Variants in KDM4C observed in about 807,000 individuals in gnomAD.
KDM4C encodes lysine-specific demethylase 4C.
KDM4C carries 81 observed loss-of-function variants against 129.3 expected under a neutral mutation model. That is an observed-to-expected ratio of 0.63 (90% CI 0.52 to 0.75). The LOEUF (loss-of-function observed/expected upper bound fraction) is 0.75, where lower values mean the gene tolerates loss of function less well. KDM4C is among the 30% of genes least tolerant of loss of function. The pLI, the probability that KDM4C is intolerant of heterozygous loss-of-function variation, is 0.00. For missense variants in KDM4C, 1,457 were observed against 1,304.0 expected (o/e 1.12, Z -1.81); for synonymous variants, 573 against 456.1 (o/e 1.26, Z -3.26).
intron 1 of KDM4C, among the ~76,000 whole-genome samples, chr9:6,732,103 C>A (rs994259383): frequency 9.2e-5 from 14 of 152,100 alleles, no homozygotes; most frequent in African/African-American, 3.4e-4. Context: ...TGTGGTGGCT[C>A]ACATCTGTAA....
At chr9:6,849,426 A>T (rs1209399861) in intron 4 of KDM4C, 81 bp from the exon 5 acceptor site, 1 of 1,199,194 alleles carries the variant, frequency 8.3e-7, no homozygotes, top group African/African-American at 1.5e-5. Context: ...ATTTTGGTGG[A>T]TAGTGGTTTG....
At chr9:6,734,795 G>C (rs1041312859) in intron 1 of KDM4C, 39 of 406,600 alleles carry the variant, frequency 9.6e-5, no homozygotes, top group South Asian at 1.8e-4. Context: ...ATGAAATGTT[G>C]GTAGATTCCT....
intron 19 of KDM4C, among the ~76,000 whole-genome samples, chr9:7,131,317 A>G (rs1209252773): frequency 6.6e-6 from 1 of 152,164 alleles, no homozygotes; most frequent in Non-Finnish European, 1.5e-5. Context: ...TACTTTGGTG[A>G]TGAATGAGGC....
chr9:6,945,975 A>T (rs755078793), intron 8 of KDM4C, among the ~76,000 whole-genome samples: 2 of 152,184 alleles, frequency 1.3e-5, no homozygotes, highest in Non-Finnish European at 2.9e-5. Context: ...GGCAAAATTT[A>T]TACCATTCAA....
intron 12 of KDM4C, among the ~76,000 whole-genome samples, chr9:6,996,237 T>C (rs1819723261): frequency 2.6e-5 from 4 of 152,212 alleles, no homozygotes; most frequent in South Asian, 2.1e-4. Flanking sequence ...AGCAGCACTT[T>C]AATCGTGCTG....
intron 1 of KDM4C, among the ~76,000 whole-genome samples, chr9:6,784,855 C>G (rs1471734216): frequency 6.6e-6 from 1 of 152,224 alleles, no homozygotes; most frequent in Non-Finnish European, 1.5e-5. Flanking sequence ...GGTTCAATAA[C>G]TGGGTAGATG....
At chr9:6,940,038 C>CTTCCTTCCTTCCTTCT (rs1825642815) in intron 8 of KDM4C, among the ~76,000 whole-genome samples, 1 of 137,426 alleles carries the variant, frequency 7.3e-6, no homozygotes, top group African/African-American at 2.8e-5. Flanking sequence ...TCCTTCTTTC[C>CTTCCTTCCTTCCTTCT]TTCCTTCCCT....
chr9:7,068,696 T>C (rs956186596), intron 17 of KDM4C, among the ~76,000 whole-genome samples: 22 of 112,002 alleles, frequency 2.0e-4, no homozygotes, highest in African/African-American at 6.6e-4. Context: ...CTTTTTTTTT[T>C]TTTTTTTTTT....
At chr9:7,073,766 G>A (rs1286150483) in intron 17 of KDM4C, among the ~76,000 whole-genome samples, 1 of 152,176 alleles carries the variant, frequency 6.6e-6, no homozygotes, top group Non-Finnish European at 1.5e-5. Context: ...GGTACCATTA[G>A]CCTTGCAGGG....
intron 9 of KDM4C, chr9:6,982,520 A>G (rs572867083): frequency 1.3e-5 from 2 of 152,348 alleles, no homozygotes; most frequent in South Asian, 2.1e-4. Context: ...ATGTGTGTAT[A>G]TAGTGTCACT....
In KDM4C at chr9:6,908,153, A is replaced by C. The variant is rs183165139; in HGVS notation, c.921+14921A>C. Among the ~76,000 whole-genome samples the C allele has an allele frequency of 5.3e-5, 8 of 152,306 alleles. No homozygotes were observed. In the East Asian group the frequency reaches 9.6e-4, roughly 18 times the overall value. On this transcript the variant is annotated intron_variant, in intron 8 of 21. Coordinates refer to ENST00000381309, the MANE Select transcript of KDM4C (RefSeq NM_015061.6). ...TAACTTAATGTAGTAAGGGCTATTTATACTATTGTTTATATTCCCTTTACA... is the reference window on the plus strand; with the variant it reads ...TAACTTAATGTAGTAAGGGCTATTTCTACTATTGTTTATATTCCCTTTACA...
chr9:7,086,318 C>G (rs1207169955), intron 17 of KDM4C, among the ~76,000 whole-genome samples: 1 of 152,166 alleles, frequency 6.6e-6, no homozygotes, highest in African/African-American at 2.4e-5. Context: ...TTTTGTGTGT[C>G]CCCTCTCATA....
chr9:6,724,378 T>G (rs1345283411), intron 1 of KDM4C, among the ~76,000 whole-genome samples: 1 of 152,110 alleles, frequency 6.6e-6, no homozygotes, highest in East Asian at 1.9e-4. Context: ...AAAGAAAGCA[T>G]CAGCAGGTAT....
intron 1 of KDM4C, among the ~76,000 whole-genome samples, chr9:6,791,631 C>T (rs911243945): frequency 1.3e-5 from 2 of 152,210 alleles, no homozygotes; most frequent in Admixed American, 1.3e-4. Context: ...TCTACTCAGC[C>T]TAGACTAGGC....
rs139639070 is a variant in KDM4C, at chr9:7,133,576, C to G, written c.2781+5340C>G. ...AAAAGCTCCTCAAAATACACGGTGA[C>G]AGAGGTAGGTCCTGATTGCAGGTTA... On this transcript the variant is annotated intron_variant, in intron 19 of 21. Transcript: ENST00000381309. Among the ~76,000 whole-genome samples, 1,413 of 152,260 alleles carry G rather than the reference C, an allele frequency of 9.3e-3. 19 individuals are homozygous for G. Among genetic ancestry groups the G allele is most frequent in the Middle Eastern group, 0.017 (5 of 294 alleles).
intron 10 of KDM4C, 101 bp from the exon 11 acceptor site, chr9:6,986,239 GTGTA>G (rs1246412276): frequency 5.5e-6 from 4 of 731,796 alleles, no homozygotes; most frequent in Admixed American, 2.6e-5. Context: ...GCGCATGCGT[GTGTA>G]TGTGTGTGTA....
intron 8 of KDM4C, among the ~76,000 whole-genome samples, chr9:6,969,205 G>A (rs1831518668): frequency 6.6e-6 from 1 of 152,102 alleles, no homozygotes; most frequent in South Asian, 2.1e-4. Context: ...CAAAGTGCTG[G>A]GATTATAGGC....
chr9:6,991,401 C>T (rs887324400), intron 12 of KDM4C, among the ~76,000 whole-genome samples: 1 of 152,014 alleles, frequency 6.6e-6, no homozygotes, highest in African/African-American at 2.4e-5. Context: ...TCTCACCTTT[C>T]TTTTATAAAA....
chr9:7,073,848 CAG>C (rs1833547722), intron 17 of KDM4C, among the ~76,000 whole-genome samples: 1 of 152,170 alleles, frequency 6.6e-6, no homozygotes, highest in South Asian at 2.1e-4. Flanking sequence ...GTTGGTCTGT[CAG>C]AGACAGCTAA....
Sources: allele counts gnomAD v4.1 joint callset (sites outside exome capture counted in the v4.1 genomes callset), GRCh38; gene constraint gnomAD v4.1.1; transcripts MANE v1.5; gene names NCBI Gene and HGNC (gene_info 2026-07-23, HGNC 2026-07-21).